Variants in RBFOX3 observed in about 807,000 individuals in gnomAD.
RBFOX3 encodes RNA binding protein fox-1 homolog 3.
In RBFOX3, 17 loss-of-function variants were observed where a neutral mutation model predicts 48.7. The observed-to-expected ratio is 0.35, with a 90% CI of 0.24 to 0.52. The LOEUF (loss-of-function observed/expected upper bound fraction) is 0.52. Among genes scored for constraint, RBFOX3 ranks in the 20% least tolerant of loss-of-function variants. RBFOX3 has a pLI of 0.94. For missense variants in RBFOX3, 382 were observed against 497.5 expected (o/e 0.77, Z 2.21); for synonymous variants, 212 against 209.5 (o/e 1.01, Z -0.10).
intron 2 of RBFOX3, among the ~76,000 whole-genome samples, chr17:79,476,998 C>A (rs371568555): frequency 6.6e-6 from 1 of 151,904 alleles, no homozygotes; most frequent in South Asian, 2.1e-4. Context: ...TTTGGGAGGC[C>A]TAGGTGGGTG....
intron 4 of RBFOX3, among the ~76,000 whole-genome samples, chr17:79,130,229 C>G (rs2038475991): frequency 6.6e-6 from 1 of 152,200 alleles, no homozygotes; most frequent in South Asian, 2.1e-4. Context: ...TCCACAGCCA[C>G]CGGCTCTCAG....
intron 2 of RBFOX3, among the ~76,000 whole-genome samples, chr17:79,360,480 GCTC>G (rs1490459617): frequency 1.1e-4 from 16 of 152,302 alleles, no homozygotes; most frequent in African/African-American, 3.9e-4. Context: ...AGGTGCCCGC[GCTC>G]AGCAGGGACG....
chr17:79,510,999 T>C (rs974759566), intron 1 of RBFOX3, among the ~76,000 whole-genome samples: 1 of 152,142 alleles, frequency 6.6e-6, no homozygotes, highest in South Asian at 2.1e-4. Flanking sequence ...TTTGTCCAAA[T>C]AGAAAATCTG....
At chr17:79,365,652 T>A (rs1356949431) in intron 2 of RBFOX3, among the ~76,000 whole-genome samples, 1 of 152,242 alleles carries the variant, frequency 6.6e-6, no homozygotes, top group African/African-American at 2.4e-5. Context: ...CCAGCATATT[T>A]GATAACACCT....
intron 4 of RBFOX3, among the ~76,000 whole-genome samples, chr17:79,188,675 C>T (rs1305575546): frequency 6.6e-6 from 1 of 152,210 alleles, no homozygotes; most frequent in African/African-American, 2.4e-5. Context: ...CTGCTCCTTC[C>T]ACTCCGCACT....
rs1300916640 is a variant in RBFOX3 at position 79,568,465 on chromosome 17, TA to T, written c.-320+42360del. On this transcript the variant is annotated intron_variant, in intron 1 of 14. Transcript: ENST00000693108. Reference sequence around the variant, plus strand: ...TAAGTATAAAGCAAATATTCCAAAATAAAAAAAAAATCCAAAATCTGAAATA... The same window carrying T: ...TAAGTATAAAGCAAATATTCCAAAATAAAAAAAAATCCAAAATCTGAAATA... Among the ~76,000 whole-genome samples, 149 of 149,476 alleles carry T rather than the reference TA, an allele frequency of 1.0e-3. 1 individual carries two copies. The East Asian group carries it at 0.011, about 11-fold the overall frequency.
At chr17:79,531,795 T>A (rs1311555075) in intron 1 of RBFOX3, among the ~76,000 whole-genome samples, 1 of 152,202 alleles carries the variant, frequency 6.6e-6, no homozygotes, top group African/African-American at 2.4e-5. Flanking sequence ...CCCAGATGGA[T>A]TCCTGAAAAT....
chr17:79,314,116 A>G (rs1212981651), intron 2 of RBFOX3, among the ~76,000 whole-genome samples: 1 of 152,230 alleles, frequency 6.6e-6, no homozygotes, highest in Non-Finnish European at 1.5e-5. Context: ...GGGTCTAACA[A>G]GAAAGCCCAA....
At chr17:79,664,132 C>T in the RBFOX3 span, among the ~76,000 whole-genome samples, 5 of 151,590 alleles carry the variant, frequency 3.3e-5, no homozygotes, top group Admixed American at 6.6e-5. Flanking sequence ...GAATACTCTG[C>T]TTTTTTTAAG....
chr17:79,156,931 G>C (rs747936715), intron 4 of RBFOX3, among the ~76,000 whole-genome samples: 1 of 152,180 alleles, frequency 6.6e-6, no homozygotes. Context: ...TGTTTGCCCC[G>C]CTGTGGTGGC....
At position 79,361,113 on chromosome 17, in the gene RBFOX3, C is replaced by T. The variant is rs902857278; in HGVS notation, c.-174-53289G>A. Among the ~76,000 whole-genome samples, 4 of 152,156 alleles carry T rather than the reference C, an allele frequency of 2.6e-5. No individual in the cohort carries two copies. The highest frequency in any genetic ancestry group is 7.2e-5 in the African/African-American group (3 of 41,432). Reference sequence around the variant, plus strand: ...CCCCTCCTAAGTCAAGAAAGACACACATTTGGCTCCAAAGGTTTGAAAGAG... The same window carrying T: ...CCCCTCCTAAGTCAAGAAAGACACATATTTGGCTCCAAAGGTTTGAAAGAG... On this transcript the variant is annotated intron_variant, in intron 2 of 14. Coordinates refer to ENST00000693108, the MANE Select transcript of RBFOX3 (RefSeq NM_001350451.2). This position sits in a 1 kb window ranked among gnomAD's most constrained non-coding sequence, Gnocchi z 4.5.
chr17:79,465,929 C>T (rs1485355013), intron 2 of RBFOX3, among the ~76,000 whole-genome samples: 2 of 152,228 alleles, frequency 1.3e-5, no homozygotes, highest in African/African-American at 2.4e-5. Flanking sequence ...TCGATGTCTG[C>T]ACCCATTCCC....
intron 3 of RBFOX3, among the ~76,000 whole-genome samples, chr17:79,253,124 T>A (rs548211336): frequency 3.9e-5 from 6 of 152,130 alleles, no homozygotes; most frequent in African/African-American, 1.4e-4. Flanking sequence ...CCCAAGTAGA[T>A]CCTGGCGGCC....
intron 1 of RBFOX3, among the ~76,000 whole-genome samples, chr17:79,534,742 T>C (rs2088411952): frequency 6.6e-6 from 1 of 152,134 alleles, no homozygotes; most frequent in South Asian, 2.1e-4. Flanking sequence ...TTGTAAAACA[T>C]CACCATGGCC....
At chr17:79,359,797 C>T (rs908841080) in intron 2 of RBFOX3, among the ~76,000 whole-genome samples, 3 of 151,888 alleles carry the variant, frequency 2.0e-5, no homozygotes, top group Non-Finnish European at 4.4e-5. Context: ...GTGATCAAAG[C>T]TCACTACAGC....
At chr17:79,253,697 C>T (rs775483242) in intron 3 of RBFOX3, among the ~76,000 whole-genome samples, 60 of 152,170 alleles carry the variant, frequency 3.9e-4, no homozygotes, top group Non-Finnish European at 6.9e-4. Context: ...GCCAGTCTGT[C>T]TGCGGTTAGG....
rs977623533 is a variant in RBFOX3, at chr17:79,089,692, C to G, written c.*1191G>C. 6.6e-6 allele frequency: 1 copy of G among 152,578 alleles called. No individual in the cohort carries two copies. Among genetic ancestry groups the G allele is most frequent in the African/African-American group, 2.4e-5 (1 of 41,416 alleles). 9.5% of individuals were successfully genotyped at this position (152,578 alleles called of 1,614,324 possible). On this transcript the variant is annotated 3_prime_UTR_variant, in exon 15 of 15. Coordinates refer to ENST00000693108, the MANE Select transcript of RBFOX3 (RefSeq NM_001350451.2). The stretch of plus-strand genomic sequence containing the variant: ...GAGACAGTGGAGCCACGTTGGGAGC[C>G]TGTATTTTTTGCTGCTTCCCTACTT...
chr17:79,525,118 G>A (rs1346786865), intron 1 of RBFOX3, among the ~76,000 whole-genome samples: 6 of 152,118 alleles, frequency 3.9e-5, no homozygotes, highest in Non-Finnish European at 7.3e-5. Flanking sequence ...ACCAGAGTTC[G>A]GCACTGTTGA....
intron 1 of RBFOX3, among the ~76,000 whole-genome samples, chr17:79,564,886 C>T (rs974656299): frequency 6.6e-6 from 1 of 151,866 alleles, no homozygotes; most frequent in East Asian, 1.9e-4. Context: ...CTAAAAAATA[C>T]AAAAATTAGC....
Sources: gnomAD v4.1 joint callset for allele counts (sites outside exome capture counted in the v4.1 genomes callset) on GRCh38, gnomAD v4.1.1 for gene constraint, Gnocchi (gnomAD v3.1) non-coding constraint, MANE v1.5 for transcripts, NCBI Gene and HGNC (gene_info 2026-07-23, HGNC 2026-07-21) for gene names.